Variants in CEP112 observed in about 807,000 individuals in gnomAD.
CEP112 encodes the protein centrosomal protein 112.
In CEP112, 127 loss-of-function variants were observed where a neutral mutation model predicts 153.0. The ratio of observed to expected loss-of-function variants is 0.83; its 90% CI spans 0.72 to 0.96. CEP112 has a LOEUF of 0.96. Ranked by LOEUF, CEP112 falls within the 40% of genes least tolerant of loss-of-function variation. CEP112 has a pLI of 0.00. For missense variants in CEP112, 1,089 were observed against 1,101.2 expected, an observed-to-expected ratio of 0.99 and a Z score of 0.16; for synonymous variants, 358 against 374.4, an observed-to-expected ratio of 0.96 and a Z score of 0.51.
At position 66,153,168 on chromosome 17, in the gene CEP112, A is replaced by G. The variant is rs114385627; in HGVS notation, c.471-20405T>C. Among the ~76,000 whole-genome samples, 1,267 of 152,292 alleles carry G rather than the reference A, an allele frequency of 8.3e-3. 16 individuals are homozygous for G. The highest frequency in any genetic ancestry group is 0.029 in the African/African-American group (1,209 of 41,550). On this transcript the variant is annotated intron_variant, in intron 4 of 26. Transcript: ENST00000535342. ...TTTAAGTTAAAAATAAATTTACCAC[A>G]CAACCCACTCTTAGATATCCATCCA...
At chr17:66,188,355 C>T (rs1239998695) in intron 1 of CEP112, among the ~76,000 whole-genome samples, 1 of 150,832 alleles carries the variant, frequency 6.6e-6, no homozygotes, top group East Asian at 2.0e-4. Flanking sequence ...CCCACAAATG[C>T]CCACTTCCCT....
At position 65,650,731 on chromosome 17, in the gene CEP112, A is replaced by AAAAAT. The variant is rs1189895646; in HGVS notation, c.2698-9667_2698-9666insATTTT. Among the ~76,000 whole-genome samples, 60 of 54,794 alleles carry AAAAAT rather than the reference A, an allele frequency of 1.1e-3. 4 individuals carry two copies. Among genetic ancestry groups the AAAAAT allele is most frequent in the African/African-American group, 5.0e-3 (54 of 10,786 alleles). The allele number at this position is 54,794 out of a possible 152,430, so 35.9% of individuals were successfully genotyped here. On this transcript the variant is annotated intron_variant, in intron 24 of 26. Transcript: ENST00000535342. ...GCCAACATGGTGAAAACTCTCTACT[A>AAAAAT]AAAAAAAAAAAAAAAAAAAAAAAAA...
intron 17 of CEP112, among the ~76,000 whole-genome samples, chr17:65,976,263 C>G (rs948167455): frequency 6.6e-6 from 1 of 152,224 alleles, no homozygotes. Context: ...CACCTGGCCA[C>G]ACACCCAAAC....
intron 4 of CEP112, among the ~76,000 whole-genome samples, chr17:66,166,760 C>T (rs961243430): frequency 2.0e-5 from 3 of 151,878 alleles, no homozygotes. Flanking sequence ...AAAAATTAGC[C>T]AGGCGTGGTG....
At chr17:65,946,864 C>A (rs2061667946) in intron 18 of CEP112, among the ~76,000 whole-genome samples, 1 of 152,076 alleles carries the variant, frequency 6.6e-6, no homozygotes, top group Admixed American at 6.6e-5. Context: ...TTTAGTTTCT[C>A]TCAACAACAC....
chr17:65,913,825 T>C (rs2060373290), intron 19 of CEP112: 2 of 985,430 alleles, frequency 2.0e-6, no homozygotes, highest in Non-Finnish European at 2.4e-6. Flanking sequence ...AGCTGATAGA[T>C]GAAGCAAGGC....
At chr17:66,138,572 G>T (rs2070544483) in intron 4 of CEP112, among the ~76,000 whole-genome samples, 1 of 152,116 alleles carries the variant, frequency 6.6e-6, no homozygotes, top group Non-Finnish European at 1.5e-5. Flanking sequence ...TAATAACAAA[G>T]TGTGTGAGTA....
At chr17:66,016,934 A>G (rs1282835509) in intron 16 of CEP112, among the ~76,000 whole-genome samples, 1 of 152,224 alleles carries the variant, frequency 6.6e-6, no homozygotes, top group Non-Finnish European at 1.5e-5. Flanking sequence ...CAAACTACAT[A>G]ACATTCTGTG....
intron 17 of CEP112, among the ~76,000 whole-genome samples, chr17:65,985,075 GA>G (rs1405223403): frequency 6.6e-6 from 1 of 152,146 alleles, no homozygotes; most frequent in Non-Finnish European, 1.5e-5. Context: ...CTGAGGCAAT[GA>G]GTAAAATAAC....
intron 17 of CEP112, among the ~76,000 whole-genome samples, chr17:65,980,950 A>G (rs1408258829): frequency 2.0e-5 from 3 of 151,880 alleles, no homozygotes; most frequent in African/African-American, 7.3e-5. Context: ...GATAATTTTT[A>G]TGTTTTTAGT....
chr17:65,946,093 A>G (rs1345749144), intron 18 of CEP112, among the ~76,000 whole-genome samples: 1 of 152,158 alleles, frequency 6.6e-6, no homozygotes, highest in African/African-American at 2.4e-5. Context: ...TCTTTTGTTC[A>G]ACACATGAAT....
chr17:66,122,507 T>C (rs1180983773), intron 6 of CEP112, among the ~76,000 whole-genome samples: 1 of 152,182 alleles, frequency 6.6e-6, no homozygotes, highest in Non-Finnish European at 1.5e-5. Context: ...ATAAAGTATA[T>C]TTCTCCCACA....
chr17:66,011,069 C>A (rs1172349442), intron 16 of CEP112, among the ~76,000 whole-genome samples: 1 of 152,028 alleles, frequency 6.6e-6, no homozygotes, highest in Non-Finnish European at 1.5e-5. Context: ...TAGAATTAGG[C>A]TGTGGATCCC....
chr17:65,910,207 C>T (rs552773073), intron 19 of CEP112, among the ~76,000 whole-genome samples: 3 of 152,284 alleles, frequency 2.0e-5, no homozygotes, highest in East Asian at 3.9e-4. Context: ...TTTTCTCCAT[C>T]CCTATCACGA....
intron 24 of CEP112, among the ~76,000 whole-genome samples, chr17:65,673,859 T>C (rs1326565603): frequency 6.6e-6 from 1 of 152,188 alleles, no homozygotes; most frequent in African/African-American, 2.4e-5. Context: ...ATGATTAACA[T>C]ACAGACTATG....
At chr17:65,969,618 G>A (rs1467453810) in intron 17 of CEP112, among the ~76,000 whole-genome samples, 2 of 152,076 alleles carry the variant, frequency 1.3e-5, no homozygotes, top group East Asian at 1.9e-4. Context: ...CATGTGTGCC[G>A]CATGCACTGC....
At chr17:66,071,454 C>T (rs572618657) in intron 8 of CEP112, among the ~76,000 whole-genome samples, 9 of 152,134 alleles carry the variant, frequency 5.9e-5, no homozygotes, top group Non-Finnish European at 1.3e-4. Context: ...CTGGCCAGGT[C>T]TAAGAGACAT....
In CEP112 at chr17:65,935,190, T is replaced by C. The variant is rs186461857; in HGVS notation, c.1873-7501A>G. ...TGAGAAACAGAAGGTCATCATATAG[T>C]GATAAGGGGCTCCACTCATCAAACG... On this transcript the variant is annotated intron_variant, in intron 18 of 26. Coordinates refer to ENST00000535342, the MANE Select transcript of CEP112 (RefSeq NM_001199165.4). 3.9e-4 allele frequency among the ~76,000 whole-genome samples: 59 copies of C among 152,310 alleles called. No individual in the cohort carries two copies. The East Asian group carries it at 0.01, about 26-fold the overall frequency.
At chr17:66,021,013 G>C (rs1245724481) in intron 16 of CEP112, among the ~76,000 whole-genome samples, 1 of 152,122 alleles carries the variant, frequency 6.6e-6, no homozygotes, top group East Asian at 1.9e-4. Context: ...TATAGGAGAG[G>C]GGAAGAGAAT....
Sources: gnomAD v4.1 joint callset for allele counts (sites outside exome capture counted in the v4.1 genomes callset) on GRCh38, gnomAD v4.1.1 for gene constraint, MANE v1.5 for transcripts, NCBI Gene and HGNC (gene_info 2026-07-23, HGNC 2026-07-21) for gene names.